RCL1: variants seen among roughly 807,000 people sequenced by gnomAD.
RCL1 encodes RNA 3'-terminal phosphate cyclase-like protein.
A neutral mutation model predicts 42.4 loss-of-function variants in RCL1; 24 were observed. The observed-to-expected ratio is 0.57, with a 90% confidence interval of 0.41 to 0.80. The LOEUF (loss-of-function observed/expected upper bound fraction) is 0.80. Ranked by LOEUF, RCL1 falls within the 30% of genes least tolerant of loss-of-function variation. The probability of loss-of-function intolerance (pLI) is 0.00; values close to 1 mark genes in which losing one functional copy is unlikely to be tolerated. For synonymous variants in RCL1, 228 were observed against 177.3 expected (o/e 1.29, Z -2.27); for missense variants, 578 against 467.9 (o/e 1.24, Z -2.17).
chr9:4,854,844 CAGG>C (rs962703668), intron 8 of RCL1, among the ~76,000 whole-genome samples: 4 of 152,076 alleles, frequency 2.6e-5, no homozygotes, highest in Non-Finnish European at 5.9e-5. Flanking sequence ...ATCACGAGGT[CAGG>C]AGTTCAAGAC....
intron 8 of RCL1, among the ~76,000 whole-genome samples, chr9:4,850,785 C>G (rs1307232226): frequency 6.6e-6 from 1 of 152,090 alleles, no homozygotes; most frequent in African/African-American, 2.4e-5. Context: ...TACAGAGACT[C>G]GCTTCCTGTA....
At chr9:4,821,397 A>T (rs1176500679) in intron 1 of RCL1, among the ~76,000 whole-genome samples, 1 of 152,172 alleles carries the variant, frequency 6.6e-6, no homozygotes, top group Non-Finnish European at 1.5e-5. Context: ...AGGGCAATCT[A>T]GTTGGCATTC....
At chr9:4,808,762 A>G (rs1816067932) in intron 1 of RCL1, among the ~76,000 whole-genome samples, 1 of 152,230 alleles carries the variant, frequency 6.6e-6, no homozygotes, top group African/African-American at 2.4e-5. Context: ...GTTGCCCTTG[A>G]TTGTGAAAAT....
intron 6 of RCL1, among the ~76,000 whole-genome samples, chr9:4,843,500 G>A (rs1045593040): frequency 6.6e-6 from 1 of 152,094 alleles, no homozygotes; most frequent in South Asian, 2.1e-4. Context: ...AGCCTAACTT[G>A]AAATAGGCCT....
chr9:4,830,572 T>G (rs1228726679), intron 3 of RCL1, among the ~76,000 whole-genome samples: 1 of 152,216 alleles, frequency 6.6e-6, no homozygotes, highest in East Asian at 1.9e-4. Context: ...AATTATTTGT[T>G]GGTGCCAACA....
At chr9:4,858,466 A>G (rs958163437) in intron 8 of RCL1, among the ~76,000 whole-genome samples, 24 of 151,990 alleles carry the variant, frequency 1.6e-4, no homozygotes, top group African/African-American at 5.8e-4. Context: ...TTACTCCTGT[A>G]TTTTCTTTAG....
intron 1 of RCL1, among the ~76,000 whole-genome samples, chr9:4,795,271 A>T (rs1842896121): frequency 6.6e-6 from 1 of 151,950 alleles, no homozygotes; most frequent in African/African-American, 2.4e-5. Context: ...TTTAGTAGAG[A>T]TGGGGTTTCA....
intron 1 of RCL1, among the ~76,000 whole-genome samples, chr9:4,805,151 G>T: frequency 6.6e-6 from 1 of 152,070 alleles, no homozygotes. Flanking sequence ...TAGAAATGAA[G>T]CCTCCAGCCT....
intron 3 of RCL1, among the ~76,000 whole-genome samples, chr9:4,832,451 C>A (rs987312475): frequency 7.2e-5 from 11 of 152,158 alleles, no homozygotes; most frequent in Non-Finnish European, 1.3e-4. Flanking sequence ...CATTAAATAA[C>A]CCTACTGGAC....
chr9:4,834,338 G>A (rs1276832473), intron 5 of RCL1, 73 bp downstream of exon 5: 3 of 1,499,488 alleles, frequency 2.0e-6, no homozygotes, highest in East Asian at 4.8e-5. Flanking sequence ...ATGACTAACA[G>A]CTTTACTTCT....
At chr9:4,816,359 C>G (rs1816377712) in intron 1 of RCL1, among the ~76,000 whole-genome samples, 1 of 152,068 alleles carries the variant, frequency 6.6e-6, no homozygotes, top group African/African-American at 2.4e-5. Flanking sequence ...CTTGCCTATC[C>G]TTTTACCATG....
chr9:4,801,296 C>T (rs12002824), intron 1 of RCL1, among the ~76,000 whole-genome samples: 4,016 of 152,194 alleles, frequency 0.026, 165 homozygotes, highest in African/African-American at 0.09. Context: ...CTCAGCCTCC[C>T]GAGTAGCTGG....
chr9:4,809,105 G>T (rs948290763), intron 1 of RCL1, among the ~76,000 whole-genome samples: 12 of 144,946 alleles, frequency 8.3e-5, no homozygotes, highest in Non-Finnish European at 1.5e-4. Flanking sequence ...GCTTCTTAAG[G>T]TTTTTTTTTT....
intron 1 of RCL1, among the ~76,000 whole-genome samples, chr9:4,803,379 G>A (rs972517448): frequency 6.6e-6 from 1 of 152,112 alleles, no homozygotes; most frequent in East Asian, 1.9e-4. Context: ...TTTTTAGAAG[G>A]CAAAGAGAAT....
At position 4,821,005 on chromosome 9, in the gene RCL1, A is replaced by G. The variant is rs921139681; in HGVS notation, c.137-2543A>G. ...TGTTGATTAGAGATCCATTAAATTA[A>G]CTATAAGATCCTTCAAGAGATCAGT... On this transcript the variant is annotated intron_variant, in intron 1 of 8. Coordinates refer to ENST00000381750, the MANE Select transcript of RCL1 (RefSeq NM_005772.5). 2.0e-5 allele frequency among the ~76,000 whole-genome samples: 3 copies of G among 152,202 alleles called. No homozygotes were observed. The South Asian group carries it at 6.2e-4, about 32-fold the overall frequency.
intron 1 of RCL1, among the ~76,000 whole-genome samples, chr9:4,821,680 G>A (rs1816601090): frequency 6.6e-6 from 1 of 151,980 alleles, no homozygotes; most frequent in Non-Finnish European, 1.5e-5. Flanking sequence ...GCATCTTGCT[G>A]TGTTGTCCAG....
intron 1 of RCL1, among the ~76,000 whole-genome samples, chr9:4,807,276 T>C (rs1816008720): frequency 6.6e-6 from 1 of 152,234 alleles, no homozygotes. Flanking sequence ...TTCTGTTCTT[T>C]ATTATTTCCT....
At chr9:4,822,093 TG>T (rs1816613656) in intron 1 of RCL1, among the ~76,000 whole-genome samples, 1 of 152,262 alleles carries the variant, frequency 6.6e-6, no homozygotes, top group Non-Finnish European at 1.5e-5. Context: ...CAGGATTTAA[TG>T]GTGTTTCTCT....
intron 1 of RCL1, among the ~76,000 whole-genome samples, chr9:4,815,977 G>C (rs1330824965): frequency 3.9e-5 from 6 of 152,102 alleles, no homozygotes; most frequent in Non-Finnish European, 4.4e-5. Flanking sequence ...TGCTCTCTCT[G>C]TGGTCATCTC....
Sources: allele counts gnomAD v4.1 joint callset (sites outside exome capture counted in the v4.1 genomes callset), GRCh38; gene constraint gnomAD v4.1.1; transcripts MANE v1.5; gene names NCBI Gene and HGNC (gene_info 2026-07-23, HGNC 2026-07-21).